MAST4: variants seen among roughly 807,000 people sequenced by gnomAD.
MAST4 encodes the protein microtubule associated serine/threonine kinase family member 4.
MAST4 carries 89 observed loss-of-function variants against 162.7 expected under a neutral mutation model. The ratio of observed to expected loss-of-function variants is 0.55; its 90% CI spans 0.46 to 0.65. The LOEUF (loss-of-function observed/expected upper bound fraction) is 0.65, where lower values mean the gene tolerates loss of function less well. MAST4 is among the 30% of genes least tolerant of loss of function. The pLI is 0.00. For synonymous variants in MAST4, 1,479 were observed against 1,361.1 expected (o/e 1.09, Z -1.91); for missense variants, 3,153 against 3,374.0 (o/e 0.93, Z 1.62).
chr5:66,844,138 CCT>C (rs1758629698), intron 3 of MAST4, among the ~76,000 whole-genome samples: 2 of 111,340 alleles, frequency 1.8e-5, no homozygotes, highest in African/African-American at 3.5e-5. Flanking sequence ...TCCCAGTCAG[CCT>C]GTGTGTGTGT....
chr5:66,979,564 G>C (rs1230976850), intron 4 of MAST4, among the ~76,000 whole-genome samples: 3 of 152,208 alleles, frequency 2.0e-5, no homozygotes, highest in African/African-American at 7.2e-5. Flanking sequence ...GCTAGAGAAT[G>C]ATCCTTGGTT....
At chr5:66,775,819 G>A (rs971330448) in intron 2 of MAST4, among the ~76,000 whole-genome samples, 3 of 152,112 alleles carry the variant, frequency 2.0e-5, no homozygotes, top group Non-Finnish European at 2.9e-5. Context: ...TGGAGGCGCT[G>A]GGGGAGATGT....
intron 1 of MAST4, among the ~76,000 whole-genome samples, chr5:66,747,898 G>T (rs1176864509): frequency 7.9e-5 from 12 of 152,318 alleles, no homozygotes; most frequent in Non-Finnish European, 1.3e-4. Context: ...GAAGGGTGAG[G>T]GGGTGGAGGG....
intron 14 of MAST4, among the ~76,000 whole-genome samples, chr5:67,123,166 G>T (rs541603334): frequency 1.3e-5 from 2 of 152,160 alleles, no homozygotes; most frequent in Admixed American, 6.5e-5. Flanking sequence ...AGGTATCCAT[G>T]TACAGGGTCT....
At chr5:67,138,520 G>T (rs868409460) in intron 19 of MAST4, among the ~76,000 whole-genome samples, 1 of 151,692 alleles carries the variant, frequency 6.6e-6, no homozygotes. Context: ...TGCAACCTCC[G>T]CCTCCCAGGT....
chr5:67,091,596 A>T (rs1763873762), intron 6 of MAST4, among the ~76,000 whole-genome samples: 1 of 152,216 alleles, frequency 6.6e-6, no homozygotes, highest in Admixed American at 6.5e-5. Context: ...TGTTTACTAT[A>T]GTCTTTAAAA....
At chr5:66,721,543 A>G (rs1469658437) in intron 1 of MAST4, among the ~76,000 whole-genome samples, 1 of 146,092 alleles carries the variant, frequency 6.8e-6, no homozygotes, top group Non-Finnish European at 1.5e-5. Flanking sequence ...TTTCTCCTTG[A>G]CCTCTTAATG....
chr5:66,911,945 T>C (rs9686291), intron 4 of MAST4, among the ~76,000 whole-genome samples: 1 of 152,184 alleles, frequency 6.6e-6, no homozygotes, highest in African/African-American at 2.4e-5. Context: ...TTTTGGTAAC[T>C]TTAGCGTCGA....
chr5:67,040,119 A>T (rs535078523), intron 4 of MAST4, among the ~76,000 whole-genome samples: 1 of 152,182 alleles, frequency 6.6e-6, no homozygotes, highest in Non-Finnish European at 1.5e-5. Flanking sequence ...AGCCAGTGCT[A>T]TACAAGGATG....
chr5:67,058,006 GAGGC>G (rs961238992), intron 5 of MAST4, among the ~76,000 whole-genome samples: 9 of 151,598 alleles, frequency 5.9e-5, no homozygotes, highest in African/African-American at 2.2e-4. Context: ...GTGGGAGACT[GAGGC>G]AGGAGGATTG....
chr5:66,963,998 A>G (rs760313625), intron 4 of MAST4: 22 of 691,738 alleles, frequency 3.2e-5, no homozygotes, highest in Non-Finnish European at 5.1e-5. Context: ...TCATTGTTCA[A>G]TGTGTGTGTA....
intron 3 of MAST4, among the ~76,000 whole-genome samples, chr5:66,850,405 C>T (rs1265899411): frequency 6.6e-6 from 1 of 152,208 alleles, no homozygotes; most frequent in Non-Finnish European, 1.5e-5. Flanking sequence ...TCTGTCTACA[C>T]GTAGCCGATG....
chr5:66,730,378 C>A (rs1200782620), intron 1 of MAST4, among the ~76,000 whole-genome samples: 1 of 151,996 alleles, frequency 6.6e-6, no homozygotes, highest in Non-Finnish European at 1.5e-5. Context: ...TTATACATTC[C>A]CCCCAACCCC....
chr5:67,009,221 AG>A (rs1306442090), intron 4 of MAST4, among the ~76,000 whole-genome samples: 2 of 152,168 alleles, frequency 1.3e-5, no homozygotes, highest in African/African-American at 4.8e-5. Flanking sequence ...AGTGAGTAAG[AG>A]AGAATTTGGT....
rs766761351 is a variant in MAST4 at position 67,166,990 on chromosome 5, T to G, written c.7811T>G (p.Val2604Gly). 6.2e-7 allele frequency: 1 copy of G among 1,611,206 alleles called. No individual in the cohort carries two copies. The highest frequency in any genetic ancestry group is 8.5e-7 in the Non-Finnish European group (1 of 1,179,182). ...PISLSNEKDF[V>G]VRQRRGKESL... ...TCTCTTTCTAATGAGAAGGACTTTG[T>G]GGTACGGCAGAGGCGGGGGAAAGAG... The change falls in exon 29 of 29, where the codon GTG (valine) becomes GGG (glycine). Residue 2604 changes from valine (V) to glycine (G), a missense_variant. By Grantham distance (109) the Val-to-Gly change is moderately radical (BLOSUM62 -3). This residue lies in a region of MAST4 where 1,644 missense variants were observed against 1,495.0 expected (regional missense o/e 1.10). Transcript: ENST00000403625.
At chr5:66,719,706 C>T (rs1211261551) in intron 1 of MAST4, among the ~76,000 whole-genome samples, 8 of 152,182 alleles carry the variant, frequency 5.3e-5, no homozygotes, top group Non-Finnish European at 1.0e-4. Flanking sequence ...AATGCTCTCC[C>T]TCCCCTTGTT....
At chr5:66,839,517 G>A (rs1229290272) in intron 3 of MAST4, among the ~76,000 whole-genome samples, 1 of 151,944 alleles carries the variant, frequency 6.6e-6, no homozygotes, top group Non-Finnish European at 1.5e-5. Context: ...AAAATTACAT[G>A]GTGCACAAAG....
intron 1 of MAST4, among the ~76,000 whole-genome samples, chr5:66,664,808 A>G (rs1256830445): frequency 6.6e-6 from 1 of 152,166 alleles, no homozygotes; most frequent in African/African-American, 2.4e-5. Flanking sequence ...GAGACTGTGA[A>G]TTTTGTTAGG....
At chr5:66,877,188 G>C (rs1761359878) in intron 3 of MAST4, among the ~76,000 whole-genome samples, 1 of 152,150 alleles carries the variant, frequency 6.6e-6, no homozygotes, top group Non-Finnish European at 1.5e-5. Flanking sequence ...AGAATAAATT[G>C]GTAAGCAAAG....
Sources: gnomAD v4.1 joint callset for allele counts (sites outside exome capture counted in the v4.1 genomes callset) on GRCh38, gnomAD v4.1.1 for gene constraint, gnomAD v4.1.1 regional missense constraint, MANE v1.5 for transcripts, NCBI Gene and HGNC (gene_info 2026-07-23, HGNC 2026-07-21) for gene names.